The following RBM47 variants were observed in gnomAD, a reference collection of about 807,000 sequenced individuals.
RBM47 encodes the protein RNA-binding protein 47.
Under a neutral mutation model 47.1 loss-of-function variants are expected in RBM47, and 21 were observed. The ratio of observed to expected loss-of-function variants is 0.45; its 90% CI spans 0.32 to 0.64. The LOEUF (loss-of-function observed/expected upper bound fraction) is 0.64. RBM47 is among the 30% of genes least tolerant of loss of function. The pLI, the probability that RBM47 is intolerant of heterozygous loss-of-function variation, is 0.05. For missense variants in RBM47, 708 were observed against 870.9 expected, an observed-to-expected ratio of 0.81 and a Z score of 2.35; for synonymous variants, 375 against 361.7, an observed-to-expected ratio of 1.04 and a Z score of -0.42.
Position 40,487,185 on chromosome 4 carries a change from C to G in RBM47, c.-154-20486G>C, listed in dbSNP as rs1402038659. Among the ~76,000 whole-genome samples the G allele has an allele frequency of 1.3e-5, 2 of 152,146 alleles. 1 individual carries two copies. Among genetic ancestry groups the G allele is most frequent in the East Asian group, 3.8e-4 (2 of 5,200 alleles). On this transcript the variant is annotated intron_variant, in intron 2 of 6. Coordinates refer to ENST00000295971, the MANE Select transcript of RBM47 (RefSeq NM_001098634.2). ...CCTTCATGGGGATTGGCAGATGGAA[C>G]CGAAAGCAACAAAAAAGACCCCAAA...
chr4:40,525,875 G>T (rs1726655539), intron 2 of RBM47, among the ~76,000 whole-genome samples: 1 of 152,292 alleles, frequency 6.6e-6, no homozygotes, highest in East Asian at 1.9e-4. Flanking sequence ...GGGCTGGCCT[G>T]GCAGTGCTGC....
At chr4:40,431,446 C>G (rs1008629239) in intron 6 of RBM47, among the ~76,000 whole-genome samples, 1 of 152,100 alleles carries the variant, frequency 6.6e-6, no homozygotes, top group Non-Finnish European at 1.5e-5. Flanking sequence ...ATCACGAGGT[C>G]AGGAGATTGA....
At chr4:40,619,983 G>A (rs1229147284) in intron 1 of RBM47, among the ~76,000 whole-genome samples, 1 of 152,120 alleles carries the variant, frequency 6.6e-6, no homozygotes, top group African/African-American at 2.4e-5. Flanking sequence ...GATCACTTGA[G>A]ATCAGGAGTT....
chr4:40,492,925 C>A (rs567396640), intron 2 of RBM47, among the ~76,000 whole-genome samples: 1 of 152,212 alleles, frequency 6.6e-6, no homozygotes, highest in Non-Finnish European at 1.5e-5. Context: ...GCATCTTCCC[C>A]TTCTGCTTCC....
intron 2 of RBM47, among the ~76,000 whole-genome samples, chr4:40,470,780 T>C (rs1404746534): frequency 6.6e-6 from 1 of 152,160 alleles, no homozygotes. Flanking sequence ...TCTCGCTCTG[T>C]TGCCTAGGCT....
chr4:40,575,623 A>T (rs970291759), intron 1 of RBM47, among the ~76,000 whole-genome samples: 3 of 151,978 alleles, frequency 2.0e-5, no homozygotes, highest in African/African-American at 7.2e-5. Context: ...TGAATACTTA[A>T]AATTTGAATA....
At chr4:40,629,167 G>A (rs1259815707) in intron 1 of RBM47, among the ~76,000 whole-genome samples, 22 of 152,094 alleles carry the variant, frequency 1.4e-4, no homozygotes, top group Admixed American at 1.4e-3. Flanking sequence ...GAAACACGAT[G>A]GGACTGACTG....
chr4:40,586,217 C>T (rs544520565), intron 1 of RBM47, among the ~76,000 whole-genome samples: 10 of 152,272 alleles, frequency 6.6e-5, no homozygotes, highest in Non-Finnish European at 1.2e-4. Context: ...GGATTCTGAT[C>T]GGTTCATCCT....
intron 2 of RBM47, among the ~76,000 whole-genome samples, chr4:40,502,332 C>G (rs1174533675): frequency 6.6e-6 from 1 of 152,072 alleles, no homozygotes; most frequent in Non-Finnish European, 1.5e-5. Context: ...AAAATGGAGT[C>G]CAGAACGTCA....
chr4:40,575,549 T>C (rs534159973), intron 1 of RBM47, among the ~76,000 whole-genome samples: 614 of 56,368 alleles, frequency 0.011, 9 homozygotes, highest in African/African-American at 0.073. Context: ...CGAAACTCCA[T>C]CTCAAAAAAA....
intron 3 of RBM47, among the ~76,000 whole-genome samples, chr4:40,449,312 G>A (rs1337504012): frequency 6.6e-6 from 1 of 152,170 alleles, no homozygotes; most frequent in Non-Finnish European, 1.5e-5. Context: ...AAAATCCTGG[G>A]AGGTTGAAGA....
intron 1 of RBM47, among the ~76,000 whole-genome samples, chr4:40,568,441 A>G (rs1444581746): frequency 6.6e-6 from 1 of 150,586 alleles, no homozygotes; most frequent in African/African-American, 2.4e-5. Flanking sequence ...AAAAAAAAAA[A>G]AAAAAAAAAA....
chr4:40,434,004 T>G (rs60193838), intron 5 of RBM47, among the ~76,000 whole-genome samples: 6,604 of 14,836 alleles, frequency 0.45, 1,201 homozygotes, highest in Middle Eastern at 0.58. Context: ...GGGGCGGGGG[T>G]GTGTGTGTGT....
chr4:40,560,160 A>C (rs1267615272), intron 1 of RBM47, among the ~76,000 whole-genome samples: 1 of 152,206 alleles, frequency 6.6e-6, no homozygotes, highest in Non-Finnish European at 1.5e-5. Context: ...AGTTGTCAGG[A>C]ATTTCCTAAC....
intron 3 of RBM47, among the ~76,000 whole-genome samples, chr4:40,459,330 C>T (rs1716749353): frequency 6.6e-6 from 1 of 152,178 alleles, no homozygotes; most frequent in Non-Finnish European, 1.5e-5. Flanking sequence ...TAGGACAAAG[C>T]TACAAAAAGA....
chr4:40,569,869 G>A (rs778115595), intron 1 of RBM47, among the ~76,000 whole-genome samples: 4 of 151,436 alleles, frequency 2.6e-5, no homozygotes, highest in African/African-American at 4.8e-5. Flanking sequence ...CTGTGACCAC[G>A]CCTGGCTAAT....
chr4:40,628,557 TC>T lies in RBM47; in HGVS notation c.-240+838del, dbSNP rs960505128. On this transcript the variant is annotated intron_variant, in intron 1 of 6. Coordinates refer to ENST00000295971, the MANE Select transcript of RBM47 (RefSeq NM_001098634.2). The surrounding 1 kb of genome is among the most constrained non-coding windows in gnomAD (Gnocchi z 4.0). ...TGGGTTGTCAACCCTTTGCTTTCCC[TC>T]CCCTGAGAAATTCGTATGACCTTGC... Among the ~76,000 whole-genome samples, 6 of 152,268 alleles carry T rather than the reference TC, an allele frequency of 3.9e-5. No individual in the cohort carries two copies. Among genetic ancestry groups the T allele is most frequent in the African/African-American group, 7.2e-5 (3 of 41,546 alleles).
intron 3 of RBM47, among the ~76,000 whole-genome samples, chr4:40,440,102 C>CTA (rs2154214435): frequency 6.6e-6 from 1 of 152,252 alleles, no homozygotes; most frequent in East Asian, 1.9e-4. Flanking sequence ...GAGCTGCAGA[C>CTA]TATACTTCTG....
At chr4:40,477,260 A>G (rs984715830) in intron 2 of RBM47, among the ~76,000 whole-genome samples, 1 of 152,234 alleles carries the variant, frequency 6.6e-6, no homozygotes, top group Admixed American at 6.5e-5. Context: ...ATATTTTTTA[A>G]AAAGACAGTT....
Sources: allele counts gnomAD v4.1 joint callset (sites outside exome capture counted in the v4.1 genomes callset), GRCh38; gene constraint gnomAD v4.1.1; non-coding constraint Gnocchi (gnomAD v3.1); transcripts MANE v1.5; gene names NCBI Gene and HGNC (gene_info 2026-07-23, HGNC 2026-07-21).